The following RTN4 variants were observed in gnomAD, a reference collection of about 807,000 sequenced individuals.
RTN4 encodes reticulon 4.
Under a neutral mutation model 90.4 loss-of-function variants are expected in RTN4, and 32 were observed. The observed-to-expected ratio is 0.35, with a 90% CI of 0.27 to 0.48. The LOEUF (loss-of-function observed/expected upper bound fraction) is 0.48, where lower values mean the gene tolerates loss of function less well. Ranked by LOEUF, RTN4 falls within the 20% of genes least tolerant of loss-of-function variation. RTN4 has a pLI of 0.99. For synonymous variants in RTN4, 629 were observed against 552.5 expected (o/e 1.14, Z -1.94); for missense variants, 1,706 against 1,430.2 (o/e 1.19, Z -3.11).
chr2:55,093,404 T>TTATA (rs3070153), intron 1 of RTN4, among the ~76,000 whole-genome samples: 43,485 of 147,160 alleles, frequency 0.3, 7,452 homozygotes, highest in East Asian at 0.53. Context: ...TTAATTTATT[T>TTATA]TATATATATA....
intron 5 of RTN4, among the ~76,000 whole-genome samples, chr2:54,982,000 G>A (rs1340757691): frequency 3.3e-5 from 5 of 151,708 alleles, no homozygotes; most frequent in Non-Finnish European, 5.9e-5. Flanking sequence ...TGTTGCCCAG[G>A]CTGGAATGCA....
intron 2 of RTN4, among the ~76,000 whole-genome samples, chr2:55,062,532 G>C (rs1422305139): frequency 1.3e-5 from 2 of 152,176 alleles, no homozygotes; most frequent in Non-Finnish European, 2.9e-5. Flanking sequence ...AGGGGGACAA[G>C]GGAATCTTTC....
At chr2:55,018,967 T>G (rs931072469) in intron 3 of RTN4, among the ~76,000 whole-genome samples, 1 of 152,090 alleles carries the variant, frequency 6.6e-6, no homozygotes, top group African/African-American at 2.4e-5. Context: ...TGGGACACGG[T>G]AAGCATAAAA....
intron 1 of RTN4, among the ~76,000 whole-genome samples, chr2:55,040,900 T>C (rs1683029053): frequency 2.6e-5 from 4 of 152,010 alleles, no homozygotes; most frequent in Admixed American, 6.6e-5. Flanking sequence ...TTATAAACTT[T>C]CTGTATCTGT....
rs942718208 is a variant in RTN4 at position 55,111,030 on chromosome 2, G to T, written c.-214+1490C>A. 7.9e-5 allele frequency among the ~76,000 whole-genome samples: 12 copies of T among 152,252 alleles called. No homozygotes were observed. The East Asian group carries it at 2.3e-3, about 29-fold the overall frequency. ...TACTCCAGCCGGGGCAACTGAGTAA[G>T]ACTGTGTCTCAAAATAACAATAATA... On this transcript the variant is annotated intron_variant, in intron 1 of 3. Transcript: ENST00000427710.
At chr2:54,998,716 A>G (rs1007083167) in intron 3 of RTN4, among the ~76,000 whole-genome samples, 1 of 152,190 alleles carries the variant, frequency 6.6e-6, no homozygotes, top group Admixed American at 6.5e-5. Flanking sequence ...GATTATTTTT[A>G]GAACAGAAAC....
chr2:54,995,601 AGCT>A (rs1249051496), intron 3 of RTN4, among the ~76,000 whole-genome samples: 1 of 152,144 alleles, frequency 6.6e-6, no homozygotes. Flanking sequence ...TCATTTTCTA[AGCT>A]GCTTATTCCA....
chr2:55,115,123 C>A (rs553022955), upstream of RTN4, among the ~76,000 whole-genome samples: 2 of 152,256 alleles, frequency 1.3e-5, no homozygotes, highest in South Asian at 4.1e-4. Flanking sequence ...GTTTATATAA[C>A]TAGTTACTAC....
rs374266245 is a variant in RTN4 at position 54,972,534 on chromosome 2, C to G, written c.*622G>C. The G allele has an allele frequency of 6.6e-6, 1 of 152,596 alleles. No individual in the cohort carries two copies. The highest frequency in any genetic ancestry group is 2.4e-5 in the African/African-American group (1 of 41,446). 9.5% of individuals were successfully genotyped at this position (152,596 alleles called of 1,614,324 possible). A position where few individuals can be genotyped will look rare whatever the true frequency, so the allele number is the denominator to read the frequency against. On this transcript the variant is annotated 3_prime_UTR_variant, in exon 9 of 9. Transcript: ENST00000337526. ...GGAACTACACATGTATAACCAATGACTGACTCTGAAATATCAAGCACTGTG... is the reference window on the plus strand; with the variant it reads ...GGAACTACACATGTATAACCAATGAGTGACTCTGAAATATCAAGCACTGTG...
chr2:55,025,190 G>T lies in RTN4; in HGVS notation c.2909C>A (p.Pro970His). Reference protein sequence around the residue: ...TQAEIESIVKPKVLVKEAEKK... With the variant: ...TQAEIESIVKHKVLVKEAEKK... ...CTCAGCTTCTTTCACAAGAACTTTG[G>T]GTTTAACTATGCTCTCTATCTCTGC... is the stretch of plus-strand genomic sequence containing the variant. The change falls in exon 3 of 9, where the codon CCC (proline) becomes CAC (histidine). Residue 970 changes from proline to histidine, a missense_variant. Transcript: ENST00000337526. 2 of 1,613,760 alleles carry T rather than the reference G, an allele frequency of 1.2e-6. No homozygotes were observed. The highest frequency in any genetic ancestry group is 8.5e-7 in the Non-Finnish European group (1 of 1,179,802).
In RTN4 at chr2:54,973,842, A is replaced by G; in HGVS notation, c.3456T>C (p.Pro1152=). Residue 1152 remains proline (P), a synonymous_variant, in exon 7 of 9, where the codon CCT becomes CCC. Coordinates refer to ENST00000337526, the MANE Select transcript of RTN4 (RefSeq NM_020532.5). ...TTACCTGATGCCGTTCATAAATAACAGGAACACTGAAGAGTGAAATGAGAG... is the reference window on the plus strand; with the variant it reads ...TTACCTGATGCCGTTCATAAATAACGGGAACACTGAAGAGTGAAATGAGAG... ...ILALISLFSV[P]VIYERHQAQI... 6.2e-7 allele frequency: 1 copy of G among 1,613,548 alleles called. No individual in the cohort carries two copies. The highest frequency in any genetic ancestry group is 8.5e-7 in the Non-Finnish European group (1 of 1,179,708).
chr2:55,120,961 C>T, the RTN4 span, among the ~76,000 whole-genome samples: 4 of 152,236 alleles, frequency 2.6e-5, no homozygotes, highest in South Asian at 4.2e-4. Context: ...ATAAGGAAAC[C>T]CTGGTGGCCA....
At chr2:54,980,798 C>T (rs1430797307) in intron 5 of RTN4, among the ~76,000 whole-genome samples, 1 of 152,166 alleles carries the variant, frequency 6.6e-6, no homozygotes, top group African/African-American at 2.4e-5. Context: ...ACCCACAAAC[C>T]ATCCATCTTA....
intron 2 of RTN4, among the ~76,000 whole-genome samples, chr2:55,065,754 TAAAA>T (rs11351020): frequency 1.3e-5 from 2 of 151,120 alleles, no homozygotes; most frequent in South Asian, 2.1e-4. Context: ...GGCTAGATAA[TAAAA>T]AAAAAACATG....
intron 3 of RTN4, among the ~76,000 whole-genome samples, chr2:54,997,327 G>A (rs1016284297): frequency 6.6e-6 from 1 of 152,028 alleles, no homozygotes; most frequent in African/African-American, 2.4e-5. Context: ...TACCCCCTAG[G>A]ATGGCTATAA....
chr2:55,038,197 G>C (rs1682819965), intron 1 of RTN4, among the ~76,000 whole-genome samples: 1 of 152,072 alleles, frequency 6.6e-6, no homozygotes, highest in African/African-American at 2.4e-5. Flanking sequence ...AGAAACCAAA[G>C]TGTCTTCACA....
At chr2:55,100,878 ATT>A (rs11453320) in intron 1 of RTN4, among the ~76,000 whole-genome samples, 2 of 146,448 alleles carry the variant, frequency 1.4e-5, no homozygotes, top group African/African-American at 2.5e-5. Flanking sequence ...CACTCTTAGC[ATT>A]TTTTTTTTTT....
intron 5 of RTN4, among the ~76,000 whole-genome samples, chr2:54,979,702 CA>C (rs1368189876): frequency 2.0e-5 from 3 of 152,122 alleles, no homozygotes; most frequent in African/African-American, 7.2e-5. Flanking sequence ...CCTGAATTAC[CA>C]AGGGCTTTAC....
At chr2:54,996,822 G>A (rs548022749) in intron 3 of RTN4, among the ~76,000 whole-genome samples, 8 of 152,228 alleles carry the variant, frequency 5.3e-5, no homozygotes, top group African/African-American at 1.9e-4. Context: ...GTGGAGTGGT[G>A]CAAAAGCAGG....
Sources: gnomAD v4.1 joint callset for allele counts (sites outside exome capture counted in the v4.1 genomes callset) on GRCh38, gnomAD v4.1.1 for gene constraint, MANE v1.5 for transcripts, NCBI Gene and HGNC (gene_info 2026-07-23, HGNC 2026-07-21) for gene names.